SLC35F1: variants seen among roughly 807,000 people sequenced by gnomAD.
SLC35F1 encodes the protein chromosome 6 open reading frame 169.
Under a neutral mutation model 48.7 loss-of-function variants are expected in SLC35F1, and 14 were observed. The observed-to-expected ratio is 0.29, with a 90% CI of 0.19 to 0.45. The LOEUF (loss-of-function observed/expected upper bound fraction) is 0.45, where lower values mean the gene tolerates loss of function less well. SLC35F1 is among the 20% of genes least tolerant of loss of function. The pLI, the probability that SLC35F1 is intolerant of heterozygous loss-of-function variation, is 1.00. For missense variants in SLC35F1, 404 were observed against 500.0 expected (o/e 0.81, Z 1.83); for synonymous variants, 190 against 202.2 (o/e 0.94, Z 0.51).
intron 3 of SLC35F1, among the ~76,000 whole-genome samples, chr6:118,264,609 A>G (rs1775749973): frequency 6.6e-6 from 1 of 152,226 alleles, no homozygotes; most frequent in Admixed American, 6.5e-5. Flanking sequence ...AGCTCTCCTC[A>G]AAGATTGGAC....
At position 118,001,893 on chromosome 6, in the gene SLC35F1, A is replaced by G. The variant is rs1582611831; in HGVS notation, c.173+93994A>G. ...CATCAGAGAAATGCAAATCAAAACC[A>G]CAATGAGATACCATCTCACACCAGT... On this transcript the variant is annotated intron_variant, in intron 1 of 7. Transcript: ENST00000360388. Among the ~76,000 whole-genome samples the G allele has an allele frequency of 2.0e-5, 3 of 151,526 alleles. No homozygotes were observed. The South Asian group carries it at 6.3e-4, about 32-fold the overall frequency.
At chr6:118,076,055 G>GA (rs897145093) in intron 1 of SLC35F1, among the ~76,000 whole-genome samples, 198 of 149,220 alleles carry the variant, frequency 1.3e-3, no homozygotes, top group African/African-American at 4.5e-3. Flanking sequence ...GATTCTGCTG[G>GA]AAAAAAAAAC....
At chr6:118,097,721 T>C (rs1305888395) in intron 1 of SLC35F1, among the ~76,000 whole-genome samples, 2 of 152,246 alleles carry the variant, frequency 1.3e-5, no homozygotes, top group Middle Eastern at 3.2e-3. Context: ...CAGCTGATAA[T>C]GCCACAGTGG....
At chr6:117,963,410 C>T (rs1215759897) in intron 1 of SLC35F1, among the ~76,000 whole-genome samples, 1 of 151,384 alleles carries the variant, frequency 6.6e-6, no homozygotes, top group Admixed American at 6.6e-5. Context: ...CTAACTCTGG[C>T]TTCAGAGTAT....
intron 1 of SLC35F1, among the ~76,000 whole-genome samples, chr6:118,147,869 A>T (rs1033619699): frequency 6.6e-6 from 1 of 152,236 alleles, no homozygotes; most frequent in Non-Finnish European, 1.5e-5. Flanking sequence ...ATTCAAGTCC[A>T]TGAATGCAGA....
At chr6:118,273,311 A>T (rs1775881623) in intron 4 of SLC35F1, among the ~76,000 whole-genome samples, 1 of 152,210 alleles carries the variant, frequency 6.6e-6, no homozygotes. Context: ...TTTAAAAGGT[A>T]GATTGATGCT....
chr6:117,974,443 A>G (rs1490894311), intron 1 of SLC35F1, among the ~76,000 whole-genome samples: 7 of 152,238 alleles, frequency 4.6e-5, no homozygotes, highest in Non-Finnish European at 1.0e-4. Flanking sequence ...GATTTTGAGT[A>G]GCATAAAGTC....
intron 1 of SLC35F1, among the ~76,000 whole-genome samples, chr6:118,056,467 G>A (rs940026719): frequency 3.9e-5 from 6 of 151,984 alleles, no homozygotes; most frequent in African/African-American, 1.2e-4. Context: ...TAGTTCAATC[G>A]AACACAAATT....
intron 1 of SLC35F1, among the ~76,000 whole-genome samples, chr6:117,935,233 T>G (rs1370507687): frequency 6.6e-6 from 1 of 152,260 alleles, no homozygotes; most frequent in Non-Finnish European, 1.5e-5. Context: ...CAGCCTAGTC[T>G]TGGATTCAAT....
chr6:117,913,784 G>T (rs1775791809), intron 1 of SLC35F1, among the ~76,000 whole-genome samples: 1 of 152,094 alleles, frequency 6.6e-6, no homozygotes, highest in African/African-American at 2.4e-5. Flanking sequence ...AGGGGCGGTG[G>T]CTCACAACTG....
intron 6 of SLC35F1, among the ~76,000 whole-genome samples, chr6:118,283,056 C>A (rs572671426): frequency 2.0e-5 from 3 of 152,190 alleles, no homozygotes; most frequent in Admixed American, 6.6e-5. Context: ...ATACACATTC[C>A]TTTCTGAGAC....
chr6:118,290,381 T>G (rs950051486), intron 7 of SLC35F1, among the ~76,000 whole-genome samples: 1 of 152,236 alleles, frequency 6.6e-6, no homozygotes, highest in Middle Eastern at 3.4e-3. Context: ...TATTAGGACA[T>G]AGACATATGC....
intron 1 of SLC35F1, among the ~76,000 whole-genome samples, chr6:118,012,711 G>A (rs1777266609): frequency 6.6e-6 from 1 of 152,168 alleles, no homozygotes; most frequent in South Asian, 2.1e-4. Context: ...TTTTATAGAT[G>A]TCATACTTAA....
intron 1 of SLC35F1, among the ~76,000 whole-genome samples, chr6:118,091,184 T>C (rs1361329681): frequency 1.3e-5 from 2 of 152,204 alleles, no homozygotes; most frequent in African/African-American, 4.8e-5. Context: ...CTTAGTAATA[T>C]GAGATTCCTG....
intron 1 of SLC35F1, among the ~76,000 whole-genome samples, chr6:117,960,774 C>T (rs1776487814): frequency 6.6e-6 from 1 of 151,972 alleles, no homozygotes; most frequent in South Asian, 2.1e-4. Context: ...AGTCAGGTGA[C>T]CAGAGAAACA....
chr6:118,166,368 C>G (rs965828502), intron 2 of SLC35F1, among the ~76,000 whole-genome samples: 1 of 151,968 alleles, frequency 6.6e-6, no homozygotes. Flanking sequence ...ACTACTGGGG[C>G]CTTACCAGAT....
intron 2 of SLC35F1, among the ~76,000 whole-genome samples, chr6:118,234,603 A>G (rs967338713): frequency 6.6e-6 from 1 of 152,142 alleles, no homozygotes; most frequent in Admixed American, 6.5e-5. Context: ...CTGGTTCTTG[A>G]CCCACAAAAA....
At chr6:118,112,272 C>G (rs1357864951) in intron 1 of SLC35F1, among the ~76,000 whole-genome samples, 1 of 151,850 alleles carries the variant, frequency 6.6e-6, no homozygotes, top group East Asian at 1.9e-4. Context: ...GGGATGAGAA[C>G]AAAGGCATTT....
chr6:117,923,747 G>GTATATA (rs1449881173), intron 1 of SLC35F1, among the ~76,000 whole-genome samples: 1,636 of 54,108 alleles, frequency 0.03, 351 homozygotes, highest in Admixed American at 0.081. Context: ...ATACATATAT[G>GTATATA]TACATATATA....
Sources: gnomAD v4.1 joint callset for allele counts (sites outside exome capture counted in the v4.1 genomes callset) on GRCh38, gnomAD v4.1.1 for gene constraint, MANE v1.5 for transcripts, NCBI Gene and HGNC (gene_info 2026-07-23, HGNC 2026-07-21) for gene names.